Variants in TCF12 observed in about 807,000 individuals in gnomAD.
The protein encoded by TCF12 is transcription factor 12.
Under a neutral mutation model 86.0 loss-of-function variants are expected in TCF12, and 45 were observed. The ratio of observed to expected loss-of-function variants is 0.52; its 90% CI spans 0.41 to 0.67. TCF12 has a LOEUF of 0.67. Among genes scored for constraint, TCF12 ranks in the 30% least tolerant of loss-of-function variants. TCF12 has a pLI of 0.00. For synonymous variants in TCF12, 330 were observed against 299.6 expected (o/e 1.10, Z -1.05); for missense variants, 881 against 859.9 (o/e 1.02, Z -0.31).
intron 16 of TCF12, among the ~76,000 whole-genome samples, chr15:57,258,511 C>T (rs933124091): frequency 2.0e-5 from 3 of 152,282 alleles, no homozygotes; most frequent in Non-Finnish European, 2.9e-5. Flanking sequence ...GCATTTTGTA[C>T]TAATGGAAGC....
chr15:57,262,362 A>C (rs1434332155), intron 17 of TCF12, among the ~76,000 whole-genome samples, 154 bp downstream of exon 17: 4 of 152,160 alleles, frequency 2.6e-5, no homozygotes, highest in Non-Finnish European at 5.9e-5. Flanking sequence ...TAGGGTTCCA[A>C]CTGGCCCACC....
intron 4 of TCF12, among the ~76,000 whole-genome samples, chr15:57,083,002 G>C (rs191974260): frequency 1.2e-3 from 175 of 152,172 alleles, no homozygotes; most frequent in African/African-American, 4.1e-3. Flanking sequence ...AGTGCTACAC[G>C]TTGTCAGCAT....
intron 9 of TCF12, 131 bp from the exon 10 acceptor site, chr15:57,232,160 G>A (rs1472662202): frequency 3.0e-5 from 27 of 902,788 alleles, no homozygotes; most frequent in Non-Finnish European, 4.4e-5. Context: ...GGGAAGAACA[G>A]TGGGTAGAAG....
chr15:57,002,992 C>G (rs1277643533), intron 3 of TCF12, among the ~76,000 whole-genome samples: 2 of 152,140 alleles, frequency 1.3e-5, no homozygotes, highest in African/African-American at 4.8e-5. Flanking sequence ...CATAGTATGC[C>G]ACTACTAGGT....
intron 5 of TCF12, among the ~76,000 whole-genome samples, chr15:57,137,692 G>A (rs1291971254): frequency 1.3e-5 from 2 of 151,974 alleles, no homozygotes; most frequent in Non-Finnish European, 2.9e-5. Context: ...TTTTATATTG[G>A]CAGAGATTAT....
intron 2 of TCF12, 47 bp from the exon 3 acceptor site, chr15:56,920,979 T>G: frequency 6.8e-7 from 1 of 1,469,482 alleles, no homozygotes; most frequent in South Asian, 1.3e-5. Flanking sequence ...TTGCAAGGAA[T>G]CTAGAAGAAT....
intron 3 of TCF12, among the ~76,000 whole-genome samples, chr15:56,967,885 TAGAGG>T (rs756894867): frequency 6.6e-5 from 10 of 152,076 alleles, no homozygotes; most frequent in African/African-American, 2.4e-4. Context: ...GCGAGTTAAG[TAGAGG>T]AAATTGTCTT....
intron 3 of TCF12, among the ~76,000 whole-genome samples, chr15:57,015,003 A>G (rs1185872851): frequency 6.6e-6 from 1 of 151,966 alleles, no homozygotes; most frequent in East Asian, 1.9e-4. Context: ...CAAGTGCCTT[A>G]AATAGTCCAG....
At chr15:57,099,550 T>C (rs1264259461) in intron 5 of TCF12, among the ~76,000 whole-genome samples, 1 of 152,100 alleles carries the variant, frequency 6.6e-6, no homozygotes, top group Non-Finnish European at 1.5e-5. Context: ...AACAAAGAAT[T>C]AGTTGTTGAT....
rs1249271437 is a variant in TCF12, at chr15:57,243,483, T to C, written c.1047T>C (p.Pro349=). The change falls in exon 13 of 21, where the codon CCT becomes CCC. Residue 349 remains proline (P), a synonymous_variant. Coordinates refer to ENST00000333725, the MANE Select transcript of TCF12 (RefSeq NM_207037.2). ...LGKALASIYS[P]DHTSSSFPSN... The stretch of plus-strand genomic sequence containing the variant: ...TGTTTTCTGGTTAGATTTATTCTCC[T>C]GACCATACCAGCAGTAGTTTTCCGT... 4 of 1,613,882 alleles carry C rather than the reference T, an allele frequency of 2.5e-6. No individual in the cohort carries two copies. In the East Asian group the frequency reaches 8.9e-5, roughly 36 times the overall value.
At chr15:56,960,173 C>A (rs1230146950) in intron 3 of TCF12, among the ~76,000 whole-genome samples, 1 of 152,102 alleles carries the variant, frequency 6.6e-6, no homozygotes, top group African/African-American at 2.4e-5. Context: ...CATATTTACT[C>A]AGTATAGAAA....
chr15:56,933,949 T>C (rs1468535564), intron 3 of TCF12, among the ~76,000 whole-genome samples: 3 of 151,932 alleles, frequency 2.0e-5, no homozygotes, highest in African/African-American at 7.2e-5. Context: ...ATAATATTTG[T>C]ATATAATTCA....
rs116111657 is a variant in TCF12 at position 57,284,257 on chromosome 15, T to C, written c.*11+1659T>C. ...TTTGACTCTGTCGCCTGAGCTGGAG[T>C]GCAATGGTGTGATCATCTCGGCTCA... is the stretch of plus-strand genomic sequence containing the variant. On this transcript the variant is annotated intron_variant, in intron 20 of 20. Transcript: ENST00000333725. Among the ~76,000 whole-genome samples the C allele has an allele frequency of 4.1e-3, 626 of 152,228 alleles. 4 individuals carry two copies. Among genetic ancestry groups the C allele is most frequent in the African/African-American group, 0.015 (609 of 41,510 alleles).
chr15:56,933,883 T>C (rs1462729546), intron 3 of TCF12, among the ~76,000 whole-genome samples: 1 of 151,844 alleles, frequency 6.6e-6, no homozygotes, highest in East Asian at 1.9e-4. Context: ...ATTTTTAATA[T>C]GTAATTTACA....
At chr15:56,969,867 G>A (rs1306856920) in intron 3 of TCF12, among the ~76,000 whole-genome samples, 3 of 152,182 alleles carry the variant, frequency 2.0e-5, no homozygotes, top group Non-Finnish European at 4.4e-5. Context: ...AGAAGACTGT[G>A]TATGCAGTTC....
chr15:57,017,726 CTTTTTTTTT>C (rs34230192), intron 3 of TCF12, among the ~76,000 whole-genome samples: 9 of 130,548 alleles, frequency 6.9e-5, no homozygotes, highest in Non-Finnish European at 1.1e-4. Context: ...AATTTTCTTT[CTTTTTTTTT>C]TTTTTTTTGC....
chr15:57,080,539 A>C (rs1482417135), intron 4 of TCF12, among the ~76,000 whole-genome samples: 6 of 152,168 alleles, frequency 3.9e-5, no homozygotes, highest in Admixed American at 1.3e-4. Context: ...ATTTCTGGGA[A>C]GCTTCAGTAC....
Position 57,064,811 on chromosome 15 carries a change from AAAG to A in TCF12, c.222+990_222+992del, listed in dbSNP as rs1181157831. On this transcript the variant is annotated intron_variant, in intron 4 of 20. Transcript: ENST00000333725. The stretch of plus-strand genomic sequence containing the variant: ...ACTCCATCTCAAAAAAAAAAAAAAA[AAAG>A]AGAGAGAGAGAAAGACTTTTCCAAA... Among the ~76,000 whole-genome samples the A allele has an allele frequency of 1.4e-3, 212 of 146,718 alleles. 4 individuals carry two copies. The highest frequency in any genetic ancestry group is 1.3e-3 in the African/African-American group (53 of 40,196).
At chr15:57,166,529 T>G in intron 6 of TCF12, 63 bp downstream of exon 6, 1 of 1,367,652 alleles carries the variant, frequency 7.3e-7, no homozygotes. Flanking sequence ...AAGGCTCTAT[T>G]AATAGATGAG....
Sources: gnomAD v4.1 joint callset for allele counts (sites outside exome capture counted in the v4.1 genomes callset) on GRCh38, gnomAD v4.1.1 for gene constraint, MANE v1.5 for transcripts, NCBI Gene and HGNC (gene_info 2026-07-23, HGNC 2026-07-21) for gene names.